The following ABHD18 variants were observed in gnomAD, a reference collection of about 807,000 sequenced individuals.
The protein encoded by ABHD18 is cardiolipin-specific deacylase, mitochondrial.
In ABHD18, 55 loss-of-function variants were observed where a neutral mutation model predicts 65.9. That is an observed-to-expected ratio of 0.84 (90% CI 0.67 to 1.05). The LOEUF (loss-of-function observed/expected upper bound fraction) is 1.05, where lower values mean the gene tolerates loss of function less well. Among genes scored for constraint, ABHD18 ranks in the 50% least tolerant of loss-of-function variants. The probability of loss-of-function intolerance (pLI) is 0.00; values close to 1 mark genes in which losing one functional copy is unlikely to be tolerated. For missense variants in ABHD18, 533 were observed against 558.5 expected, an observed-to-expected ratio of 0.95 and a Z score of 0.46; for synonymous variants, 181 against 180.2, an observed-to-expected ratio of 1.00 and a Z score of -0.04.
intron 6 of ABHD18, chr4:128,009,753 T>A (rs1754220989): frequency 6.6e-6 from 1 of 152,564 alleles, no homozygotes; most frequent in Admixed American, 6.5e-5. Context: ...AAAACATATT[T>A]TACCATATGT....
intron 3 of ABHD18, among the ~76,000 whole-genome samples, chr4:127,985,839 T>TAA (rs553840681): frequency 1.3e-5 from 2 of 148,412 alleles, no homozygotes; most frequent in Admixed American, 6.8e-5. Flanking sequence ...CCATCTCTAC[T>TAA]AAAAAAAAAA....
At chr4:128,019,013 C>CA (rs370222831) in intron 8 of ABHD18, among the ~76,000 whole-genome samples, 5,678 of 57,666 alleles carry the variant, frequency 0.098, 167 homozygotes, top group African/African-American at 0.11. Flanking sequence ...GACTACATCT[C>CA]AAAAAAAAAA....
intron 1 of ABHD18, among the ~76,000 whole-genome samples, chr4:127,968,037 G>A (rs1374663458): frequency 2.0e-5 from 3 of 152,206 alleles, no homozygotes; most frequent in South Asian, 2.1e-4. Context: ...GTGAAACCCC[G>A]TCTCTACTAA....
At chr4:127,969,141 CTT>C (rs1213729430) in intron 1 of ABHD18, among the ~76,000 whole-genome samples, 5 of 150,926 alleles carry the variant, frequency 3.3e-5, no homozygotes, top group Non-Finnish European at 7.4e-5. Flanking sequence ...GGAGTGCTGA[CTT>C]TTGTGGCCTG....
At chr4:127,971,486 T>C (rs1296725052) in intron 1 of ABHD18, among the ~76,000 whole-genome samples, 1 of 111,334 alleles carries the variant, frequency 9.0e-6, no homozygotes, top group Non-Finnish European at 1.8e-5. Context: ...AGTTGGCTTT[T>C]TTTTTTTTTT....
intron 4 of ABHD18, chr4:128,001,909 T>C (rs981168716): frequency 2.0e-6 from 2 of 990,020 alleles, no homozygotes; most frequent in Non-Finnish European, 2.8e-6. Context: ...AAAAAACAGA[T>C]AAATTTTCAT....
chr4:127,988,996 T>C (rs1350187180), intron 3 of ABHD18, among the ~76,000 whole-genome samples: 2 of 152,224 alleles, frequency 1.3e-5, no homozygotes, highest in Non-Finnish European at 2.9e-5. Context: ...GTAGCACTAT[T>C]CGTAGTAGCC....
At chr4:127,965,632 T>C (rs1225134574) in intron 1 of ABHD18, 26 bp downstream of exon 1, 1 of 212,134 alleles carries the variant, frequency 4.7e-6, no homozygotes, top group African/African-American at 2.3e-5. Context: ...GGTTAAGTAG[T>C]AGGTGCGCTA....
chr4:128,002,215 C>T (rs1034499542), intron 4 of ABHD18, among the ~76,000 whole-genome samples: 6 of 151,292 alleles, frequency 4.0e-5, no homozygotes, highest in Non-Finnish European at 8.8e-5. Context: ...ATGGAGGTTG[C>T]GGTGAGCCAA....
intron 4 of ABHD18, among the ~76,000 whole-genome samples, chr4:128,006,087 G>A (rs572410520): frequency 6.6e-6 from 1 of 152,306 alleles, no homozygotes; most frequent in South Asian, 2.1e-4. Flanking sequence ...CACATGGCCT[G>A]TACCCATTCA....
rs1227317174 is a variant in ABHD18 at position 128,039,616 on chromosome 4, A to C, written c.*3803A>C. On this transcript the variant is annotated 3_prime_UTR_variant, in exon 13 of 13. Coordinates refer to ENST00000645843, the MANE Select transcript of ABHD18 (RefSeq NM_001358451.3). ...TTGTAATGTGGTGCTTTCTCTCATA[A>C]AGATAATTGAATTGTTAACACTGTA... 2 of 152,146 alleles carry C rather than the reference A, an allele frequency of 1.3e-5. No homozygotes were observed. The highest frequency in any genetic ancestry group is 4.8e-5 in the African/African-American group (2 of 41,436). 9.4% of individuals were successfully genotyped at this position (152,146 alleles called of 1,614,324 possible).
At chr4:128,015,429 C>A (rs961995375) in intron 7 of ABHD18, among the ~76,000 whole-genome samples, 7 of 152,066 alleles carry the variant, frequency 4.6e-5, no homozygotes, top group Non-Finnish European at 1.0e-4. Context: ...ACTAAAAGAG[C>A]AATCTGGGGG....
chr4:127,998,563 C>G (rs1296003723), intron 4 of ABHD18, among the ~76,000 whole-genome samples: 1 of 147,846 alleles, frequency 6.8e-6, no homozygotes, highest in Non-Finnish European at 1.5e-5. Context: ...TTTTAAGAGA[C>G]TGGATCTCAC....
At position 128,028,869 on chromosome 4, in the gene ABHD18, T is replaced by C; in HGVS notation, c.1180+16T>C. 1 of 1,506,664 alleles carries C rather than the reference T, an allele frequency of 6.6e-7. No homozygotes were observed. Among genetic ancestry groups the C allele is most frequent in the Non-Finnish European group, 8.9e-7 (1 of 1,126,238 alleles). The allele number at this position is 1,506,664 out of a possible 1,614,324, so 93.3% of individuals were successfully genotyped here. A position where few individuals can be genotyped will look rare whatever the true frequency, so the allele number is the denominator to read the frequency against. On this transcript the variant is annotated intron_variant, in intron 11 of 12. Coordinates refer to ENST00000645843, the MANE Select transcript of ABHD18 (RefSeq NM_001358451.3). ...AATTTCTCAGGTACTAATTTTTATA[T>C]GAAATTGAGAATATTTGCTGATGTG...
chr4:127,968,826 T>G (rs1746184018), intron 1 of ABHD18, among the ~76,000 whole-genome samples: 1 of 152,154 alleles, frequency 6.6e-6, no homozygotes, highest in South Asian at 2.1e-4. Flanking sequence ...AGATGGTGCC[T>G]TATTTTGGTG....
intron 1 of ABHD18, among the ~76,000 whole-genome samples, chr4:127,980,898 T>C (rs777385873): frequency 4.2e-4 from 64 of 152,250 alleles, no homozygotes; most frequent in South Asian, 1.9e-3. Flanking sequence ...TACCTTCATA[T>C]TGTTGAATTT....
chr4:128,035,620 G>T (rs959983162), intron 12 of ABHD18, 142 bp from the exon 13 acceptor site: 3 of 540,252 alleles, frequency 5.6e-6, no homozygotes, highest in Non-Finnish European at 1.0e-5. Flanking sequence ...TCTGGGGAGG[G>T]TAACTGCCTA....
rs538696975 is a variant in ABHD18, at chr4:127,982,586, G to A, written c.-17-353G>A. Among the ~76,000 whole-genome samples the A allele has an allele frequency of 4.6e-5, 7 of 152,220 alleles. No individual in the cohort carries two copies. The East Asian group carries it at 5.8e-4, about 13-fold the overall frequency. On this transcript the variant is annotated intron_variant, in intron 1 of 12. Transcript: ENST00000645843. ...GTTGGTAGGTTTAATGAGAACCTGC[G>A]TGTGTGTTTGTAGTTCTTAAAATAG...
intron 4 of ABHD18, among the ~76,000 whole-genome samples, chr4:128,006,808 C>T (rs572347711): frequency 2.1e-4 from 32 of 152,272 alleles, no homozygotes; most frequent in East Asian, 3.9e-4. Flanking sequence ...AAAACGGACA[C>T]GTGTGGTGAC....
Sources: allele counts gnomAD v4.1 joint callset (sites outside exome capture counted in the v4.1 genomes callset), GRCh38; gene constraint gnomAD v4.1.1; transcripts MANE v1.5; gene names NCBI Gene and HGNC (gene_info 2026-07-23, HGNC 2026-07-21).